The following FGF14 variants were observed in gnomAD, a reference collection of about 807,000 sequenced individuals.
FGF14 encodes fibroblast growth factor homologous factor 4.
A neutral mutation model predicts 25.5 loss-of-function variants in FGF14; 5 were observed. The observed-to-expected ratio is 0.20, with a 90% CI of 0.10 to 0.41. FGF14 has a LOEUF of 0.41. Ranked by LOEUF, FGF14 falls within the 10% of genes least tolerant of loss-of-function variation. The pLI is 1.00. For synonymous variants in FGF14, 138 were observed against 118.3 expected (o/e 1.17, Z -1.08); for missense variants, 222 against 320.1 (o/e 0.69, Z 2.34).
At chr13:101,957,256 T>C (rs1046119665) in intron 1 of FGF14, among the ~76,000 whole-genome samples, 6 of 152,186 alleles carry the variant, frequency 3.9e-5, no homozygotes, top group African/African-American at 1.4e-4. Flanking sequence ...TCGGTGTGTT[T>C]CTTTCAGTGT....
intron 3 of FGF14, among the ~76,000 whole-genome samples, chr13:101,837,311 A>G (rs2042974090): frequency 6.6e-6 from 1 of 152,038 alleles, no homozygotes; most frequent in African/African-American, 2.4e-5. Context: ...GGCCTAACTA[A>G]AAAAATGTAG....
intron 1 of FGF14, among the ~76,000 whole-genome samples, chr13:102,094,751 T>C (rs916655527): frequency 5.3e-5 from 8 of 152,168 alleles, no homozygotes; most frequent in African/African-American, 1.9e-4. Flanking sequence ...TCTGGATTGA[T>C]TCCATCAGTG....
intron 1 of FGF14, among the ~76,000 whole-genome samples, chr13:102,268,233 C>T (rs886680169): frequency 2.0e-5 from 3 of 152,152 alleles, no homozygotes; most frequent in African/African-American, 4.8e-5. Flanking sequence ...TGCAGACACT[C>T]GGTGTCATTG....
rs10627893 is a variant in FGF14, at chr13:102,273,944, C to CA, written c.208+127526dup. On this transcript the variant is annotated intron_variant, in intron 1 of 4. Coordinates refer to the FGF14 transcript ENST00000376131. ...ACAGAGCAAGAGCAAGACCCTGTCT[C>CA]AAAAAAAAAAAAAAGGAAGAAAGAA... is the stretch of plus-strand genomic sequence containing the variant. Among the ~76,000 whole-genome samples the CA allele has an allele frequency of 2.1e-3, 251 of 121,392 alleles. 7 individuals carry two copies. The highest frequency in any genetic ancestry group is 4.2e-3 in the Middle Eastern group (1 of 240). The allele number at this position is 121,392 out of a possible 152,430, so 79.6% of individuals were successfully genotyped here. A position where few individuals can be genotyped will look rare whatever the true frequency, so the allele number is the denominator to read the frequency against.
At chr13:101,888,020 C>T (rs1259292020) in intron 1 of FGF14, among the ~76,000 whole-genome samples, 1 of 152,066 alleles carries the variant, frequency 6.6e-6, no homozygotes, top group East Asian at 1.9e-4. Context: ...GAATGAAGTA[C>T]CTTTTTCAGG....
At chr13:101,910,678 C>T (rs1421498688) in intron 1 of FGF14, among the ~76,000 whole-genome samples, 2 of 152,104 alleles carry the variant, frequency 1.3e-5, no homozygotes, top group Admixed American at 6.6e-5. Flanking sequence ...CCCCAGTAAA[C>T]AGCAAATGGT....
At chr13:101,824,405 C>T (rs1027260604) in intron 3 of FGF14, among the ~76,000 whole-genome samples, 1 of 152,140 alleles carries the variant, frequency 6.6e-6, no homozygotes, top group South Asian at 2.1e-4. Flanking sequence ...AGTTTTTTCA[C>T]CAGCTTGCTC....
intron 1 of FGF14, among the ~76,000 whole-genome samples, chr13:101,900,791 G>A (rs886649000): frequency 3.9e-5 from 6 of 152,070 alleles, no homozygotes; most frequent in South Asian, 2.1e-4. Context: ...TAATTAAGTT[G>A]TGTATGATTT....
chr13:101,805,097 G>T (rs956753292), intron 3 of FGF14, among the ~76,000 whole-genome samples: 3 of 152,086 alleles, frequency 2.0e-5, no homozygotes, highest in Non-Finnish European at 4.4e-5. Flanking sequence ...CTATAAGCAG[G>T]TGATATTATC....
At chr13:101,876,697 T>C (rs1260844351) in intron 1 of FGF14, among the ~76,000 whole-genome samples, 2 of 152,164 alleles carry the variant, frequency 1.3e-5, no homozygotes, top group Non-Finnish European at 2.9e-5. Context: ...AGTAGGATTT[T>C]AAAAATAAAT....
intron 1 of FGF14, among the ~76,000 whole-genome samples, chr13:102,111,050 C>A (rs2140321413): frequency 6.6e-6 from 1 of 152,218 alleles, no homozygotes; most frequent in East Asian, 1.9e-4. Flanking sequence ...CCCAAGACTG[C>A]CTCTTCTACC....
chr13:102,229,379 A>G (rs531562785), intron 1 of FGF14, among the ~76,000 whole-genome samples: 2 of 152,364 alleles, frequency 1.3e-5, no homozygotes, highest in East Asian at 3.9e-4. Context: ...TACAGCTTAG[A>G]ACGACTATTA....
At chr13:101,866,239 T>C (rs796845619) in intron 3 of FGF14, among the ~76,000 whole-genome samples, 1 of 152,126 alleles carries the variant, frequency 6.6e-6, no homozygotes. Flanking sequence ...TAGGTAACAA[T>C]TCCCTAAAAG....
At chr13:102,351,330 T>G (rs1289738609) in intron 1 of FGF14, among the ~76,000 whole-genome samples, 2 of 152,256 alleles carry the variant, frequency 1.3e-5, no homozygotes, top group East Asian at 3.9e-4. Context: ...TCTAATTAAA[T>G]GTGCTTTCTT....
At chr13:102,170,523 C>A (rs1422500405) in intron 1 of FGF14, among the ~76,000 whole-genome samples, 1 of 152,094 alleles carries the variant, frequency 6.6e-6, no homozygotes, top group African/African-American at 2.4e-5. Flanking sequence ...AGTGCATCTC[C>A]CATCACAGAA....
intron 1 of FGF14, among the ~76,000 whole-genome samples, chr13:102,215,056 A>T (rs562436805): frequency 5.3e-5 from 8 of 150,296 alleles, no homozygotes; most frequent in African/African-American, 2.0e-4. Flanking sequence ...CATGCTGTGA[A>T]GGAGAAACAT....
intron 1 of FGF14, among the ~76,000 whole-genome samples, chr13:101,979,731 CA>C (rs1426002942): frequency 6.6e-6 from 1 of 152,134 alleles, no homozygotes; most frequent in Non-Finnish European, 1.5e-5. Context: ...TCATTTCTAT[CA>C]TATAATCAAA....
At chr13:102,218,996 G>A (rs115109457) in intron 1 of FGF14, among the ~76,000 whole-genome samples, 1,779 of 151,928 alleles carry the variant, frequency 0.012, 34 homozygotes, top group African/African-American at 0.04. Context: ...TTTGGATACC[G>A]GCATACAATG....
At chr13:102,251,358 G>A (rs2141071048) in intron 1 of FGF14, among the ~76,000 whole-genome samples, 1 of 152,284 alleles carries the variant, frequency 6.6e-6, no homozygotes, top group Admixed American at 6.5e-5. Flanking sequence ...GAGGGCTGGA[G>A]CTTTTATGGC....
Sources: allele counts gnomAD v4.1 joint callset (sites outside exome capture counted in the v4.1 genomes callset), GRCh38; gene constraint gnomAD v4.1.1; transcripts MANE v1.5; gene names NCBI Gene and HGNC (gene_info 2026-07-23, HGNC 2026-07-21).